Variants in SLC14A2 observed in about 807,000 individuals in gnomAD.
SLC14A2 encodes urea transporter 2.
SLC14A2 carries 91 observed loss-of-function variants against 104.6 expected under a neutral mutation model. The ratio of observed to expected loss-of-function variants is 0.87; its 90% confidence interval spans 0.73 to 1.04. The LOEUF (loss-of-function observed/expected upper bound fraction) is 1.04, where lower values mean the gene tolerates loss of function less well. Ranked by LOEUF, SLC14A2 falls within the 50% of genes least tolerant of loss-of-function variation. The pLI is 0.00. For synonymous variants in SLC14A2, 476 were observed against 466.4 expected, an observed-to-expected ratio of 1.02 and a Z score of -0.27; for missense variants, 1,189 against 1,156.0, an observed-to-expected ratio of 1.03 and a Z score of -0.41.
chr18:45,404,638 C>T lies in SLC14A2; in HGVS notation c.-124-78595C>T, dbSNP rs112452712. Among the ~76,000 whole-genome samples, 89 of 152,210 alleles carry T rather than the reference C, an allele frequency of 5.8e-4. 2 individuals are homozygous for T. The highest frequency in any genetic ancestry group is 1.3e-4 in the Non-Finnish European group (9 of 68,030). ...AGTGAGTCAGTCTCTCAAGGACAGA[C>T]CCCAGATATTTCTGTGATGCTCTCC... On this transcript the variant is annotated intron_variant, in intron 1 of 20. Coordinates refer to the SLC14A2 transcript ENST00000586448.
At chr18:45,206,510 CAATAACTTGCA>C in the SLC14A2 span, among the ~76,000 whole-genome samples, 1 of 152,178 alleles carries the variant, frequency 6.6e-6, no homozygotes, top group Non-Finnish European at 1.5e-5. Flanking sequence ...CCTTACTGTG[CAATAACTTGCA>C]AATAACTTTA....
At chr18:45,426,475 A>T (rs1429989630) in intron 1 of SLC14A2, among the ~76,000 whole-genome samples, 1 of 151,574 alleles carries the variant, frequency 6.6e-6, no homozygotes, top group Non-Finnish European at 1.5e-5. Context: ...TTAAAAAGTG[A>T]TGTCCAAGCA....
chr18:45,215,819 C>T (rs1232912049), intron 1 of SLC14A2, among the ~76,000 whole-genome samples: 1 of 151,954 alleles, frequency 6.6e-6, no homozygotes, highest in Non-Finnish European at 1.5e-5. Flanking sequence ...TTACAGAATT[C>T]TCTCTGTGAT....
chr18:45,648,643 A>G (rs2045670142), intron 10 of SLC14A2, among the ~76,000 whole-genome samples: 1 of 151,960 alleles, frequency 6.6e-6, no homozygotes, highest in African/African-American at 2.4e-5. Context: ...TTTTAACTAT[A>G]TTTTTTAAAA....
At chr18:45,237,799 C>T (rs150978275) in intron 1 of SLC14A2, among the ~76,000 whole-genome samples, 1 of 152,276 alleles carries the variant, frequency 6.6e-6, no homozygotes, top group East Asian at 1.9e-4. Flanking sequence ...ACCAGGGGCA[C>T]CTTAAGGTTT....
chr18:45,641,408 A>G, intron 8 of SLC14A2, 65 bp downstream of exon 8: 1 of 1,578,946 alleles, frequency 6.3e-7, no homozygotes, highest in Non-Finnish European at 8.7e-7. Context: ...TGTTTATGTG[A>G]AACCCATGGG....
intron 1 of SLC14A2, among the ~76,000 whole-genome samples, chr18:45,423,611 T>G (rs1029766281): frequency 6.6e-6 from 1 of 152,072 alleles, no homozygotes; most frequent in East Asian, 1.9e-4. Context: ...ACAAGGGACA[T>G]AGACAAAGAT....
chr18:45,540,602 A>G (rs1159570331), intron 2 of SLC14A2, among the ~76,000 whole-genome samples: 2 of 152,062 alleles, frequency 1.3e-5, no homozygotes, highest in South Asian at 2.1e-4. Context: ...AAAATTAGCC[A>G]GGTGTGGTGG....
intron 1 of SLC14A2, among the ~76,000 whole-genome samples, chr18:45,419,497 G>A (rs1438286003): frequency 6.6e-6 from 1 of 152,198 alleles, no homozygotes; most frequent in Non-Finnish European, 1.5e-5. Context: ...TATCAGGTCG[G>A]GCGTGGTGGC....
At chr18:45,499,151 G>A (rs1431020768) in intron 2 of SLC14A2, among the ~76,000 whole-genome samples, 2 of 152,118 alleles carry the variant, frequency 1.3e-5, no homozygotes, top group African/African-American at 4.8e-5. Flanking sequence ...CAGACTCACT[G>A]GTTGTTTTGG....
chr18:45,224,368 G>A, intron 1 of SLC14A2, among the ~76,000 whole-genome samples: 1 of 152,248 alleles, frequency 6.6e-6, no homozygotes, highest in Non-Finnish European at 1.5e-5. Context: ...AGTAAGAACA[G>A]CAACCTTGAA....
intron 1 of SLC14A2, among the ~76,000 whole-genome samples, chr18:45,338,378 T>G (rs945215380): frequency 6.6e-6 from 1 of 151,954 alleles, no homozygotes; most frequent in African/African-American, 2.4e-5. Flanking sequence ...TTTTTTGTAT[T>G]TTTTAGTAGA....
In SLC14A2 at chr18:45,668,496, G is replaced by A. The variant is rs754563491; in HGVS notation, c.2036+19G>A. The A allele has an allele frequency of 1.8e-5, 29 of 1,613,824 alleles. 1 individual carries two copies. The South Asian group carries it at 2.7e-4, about 15-fold the overall frequency. On this transcript the variant is annotated intron_variant, in intron 15 of 19. Coordinates refer to ENST00000255226, the MANE Select transcript of SLC14A2 (RefSeq NM_007163.4). Reference sequence around the variant, plus strand: ...TGTCTTGGTAAGTTTGCTTTTGAAGGGTTGTGGGTTCATATCAATGGCCAC... The same window carrying A: ...TGTCTTGGTAAGTTTGCTTTTGAAGAGTTGTGGGTTCATATCAATGGCCAC...
At chr18:45,383,639 T>TC (rs1276983951) in intron 1 of SLC14A2, among the ~76,000 whole-genome samples, 1 of 152,154 alleles carries the variant, frequency 6.6e-6, no homozygotes. Context: ...CTCCTGGGGT[T>TC]CCCCTCACAG....
At chr18:45,538,302 G>T (rs1391092007) in intron 2 of SLC14A2, among the ~76,000 whole-genome samples, 1 of 152,206 alleles carries the variant, frequency 6.6e-6, no homozygotes, top group Non-Finnish European at 1.5e-5. Flanking sequence ...TTGCCCCCAT[G>T]GTGTCATTTC....
At chr18:45,234,155 A>C (rs962235543) in intron 1 of SLC14A2, among the ~76,000 whole-genome samples, 1 of 152,202 alleles carries the variant, frequency 6.6e-6, no homozygotes, top group African/African-American at 2.4e-5. Context: ...CAGCACCAGA[A>C]GATCATTCAA....
intron 2 of SLC14A2, among the ~76,000 whole-genome samples, chr18:45,509,150 A>G (rs1307746594): frequency 4.6e-5 from 7 of 152,072 alleles, no homozygotes; most frequent in Admixed American, 1.3e-4. Context: ...CCTTCATGGG[A>G]TACCTTGCCC....
At chr18:45,620,118 C>T (rs2045140883) in intron 1 of SLC14A2, among the ~76,000 whole-genome samples, 1 of 152,192 alleles carries the variant, frequency 6.6e-6, no homozygotes, top group Non-Finnish European at 1.5e-5. Context: ...TAAACATTCC[C>T]GTGGCAAAGG....
chr18:45,362,967 CAACCTCCAGCAT>C (rs1405971754), intron 1 of SLC14A2, among the ~76,000 whole-genome samples: 8 of 152,088 alleles, frequency 5.3e-5, no homozygotes, highest in African/African-American at 1.7e-4. Context: ...ACCAGCTTGA[CAACCTCCAGCAT>C]AACGAAATCC....
Sources: gnomAD v4.1 joint callset for allele counts (sites outside exome capture counted in the v4.1 genomes callset) on GRCh38, gnomAD v4.1.1 for gene constraint, MANE v1.5 for transcripts, NCBI Gene and HGNC (gene_info 2026-07-23, HGNC 2026-07-21) for gene names.